GALP: variants seen among roughly 807,000 people sequenced by gnomAD.
GALP encodes the protein galanin-like peptide.
GALP carries 12 observed loss-of-function variants against 15.2 expected under a neutral mutation model. That is an observed-to-expected ratio of 0.79 (90% CI 0.51 to 1.28). GALP has a LOEUF of 1.28. GALP is among the 50% of genes most tolerant of loss of function. The probability of loss-of-function intolerance (pLI) is 0.00; values close to 1 mark genes in which losing one functional copy is unlikely to be tolerated. For missense variants in GALP, 161 were observed against 145.6 expected (o/e 1.11, Z -0.55); for synonymous variants, 58 against 55.1 (o/e 1.05, Z -0.23).
chr19:56,180,145 T>C lies in GALP; in HGVS notation c.88-441T>C, dbSNP rs796692882. Among the ~76,000 whole-genome samples the C allele has an allele frequency of 1.4e-4, 22 of 152,326 alleles. 1 individual carries two copies. The highest frequency in any genetic ancestry group is 5.3e-4 in the African/African-American group (22 of 41,576). ...CCAGGCTGGCCTTGAACTCCTGTTC[T>C]CAAGCCATCCTTCTGCTTCGGCCTC... On this transcript the variant is annotated intron_variant, in intron 2 of 5. Coordinates refer to ENST00000357330, the MANE Select transcript of GALP (RefSeq NM_033106.4).
At chr19:56,183,287 G>T (rs762876372) in intron 5 of GALP, 75 bp downstream of exon 5, 1 of 1,250,902 alleles carries the variant, frequency 8.0e-7, no homozygotes. Context: ...GAGCTTAGAG[G>T]GTAAAGGAAG....
Position 56,183,230 on chromosome 19 carries a change from A to G in GALP, c.295+18A>G, listed in dbSNP as rs750069427. ...GATTGGAGGTAAAGCCAGGAAACAC[A>G]GAAGAGAGACACCGACAGGAGAGGG... On this transcript the variant is annotated intron_variant, in intron 5 of 5. Transcript: ENST00000357330. 8.8e-6 allele frequency: 14 copies of G among 1,589,792 alleles called. No homozygotes were observed. Among genetic ancestry groups the G allele is most frequent in the Non-Finnish European group, 1.1e-5 (13 of 1,157,784 alleles).
chr19:56,182,018 C>T (rs1221017464), intron 3 of GALP, among the ~76,000 whole-genome samples, 154 bp from the exon 4 acceptor site: 1 of 152,184 alleles, frequency 6.6e-6, no homozygotes, highest in Non-Finnish European at 1.5e-5. Flanking sequence ...ACGATTTCCC[C>T]ACCGGTAGGT....
intron 1 of GALP, 106 bp from the exon 2 acceptor site, chr19:56,176,964 T>C: frequency 1.7e-6 from 1 of 596,668 alleles, no homozygotes; most frequent in Non-Finnish European, 3.0e-6. Flanking sequence ...GCCATTTTTG[T>C]ATCTCGATGA....
intron 3 of GALP, 108 bp from the exon 4 acceptor site, chr19:56,182,064 G>C: frequency 1.3e-6 from 1 of 789,546 alleles, no homozygotes; most frequent in East Asian, 2.5e-5. Flanking sequence ...CGACAGACTT[G>C]GTGGAGGCGC....
At chr19:56,182,885 G>T (rs1001813764) in intron 4 of GALP, among the ~76,000 whole-genome samples, 1 of 152,078 alleles carries the variant, frequency 6.6e-6, no homozygotes, top group Non-Finnish European at 1.5e-5. Context: ...AGGTTTGGGG[G>T]TACATGTGCA....
intron 1 of GALP, among the ~76,000 whole-genome samples, chr19:56,176,702 T>G (rs1599925779): frequency 1.1e-5 from 1 of 94,950 alleles, no homozygotes; most frequent in African/African-American, 4.5e-5. Flanking sequence ...GTGGAGGGAG[T>G]GAGGGGCTCC....
chr19:56,179,168 C>T (rs1268101694), intron 2 of GALP, among the ~76,000 whole-genome samples: 3 of 152,058 alleles, frequency 2.0e-5, no homozygotes, highest in East Asian at 1.9e-4. Flanking sequence ...CAGAGTGAGA[C>T]GCGAGACTCC....
At chr19:56,180,958 C>A (rs1390993389) in intron 3 of GALP, among the ~76,000 whole-genome samples, 1 of 133,430 alleles carries the variant, frequency 7.5e-6, no homozygotes, top group Admixed American at 8.5e-5. Context: ...CGCTCTGTTG[C>A]CCAGGCTGGA....
rs141775409 is a variant in GALP at position 56,180,057 on chromosome 19, G to A, written c.88-529G>A. On this transcript the variant is annotated intron_variant, in intron 2 of 5. Transcript: ENST00000357330. ...CTCCCAAAGTGCTGAGATTACAGGCGAGAGCCACCACGCCCGGCCTAATTT... is the reference window on the plus strand; with the variant it reads ...CTCCCAAAGTGCTGAGATTACAGGCAAGAGCCACCACGCCCGGCCTAATTT... 3.5e-3 allele frequency among the ~76,000 whole-genome samples: 538 copies of A among 152,022 alleles called. 5 individuals carry two copies. Among genetic ancestry groups the A allele is most frequent in the African/African-American group, 0.012 (514 of 41,466 alleles).
intron 2 of GALP, among the ~76,000 whole-genome samples, chr19:56,179,764 G>A (rs917395453): frequency 6.6e-6 from 1 of 151,660 alleles, no homozygotes; most frequent in Non-Finnish European, 1.5e-5. Context: ...CCACCTACAG[G>A]TGTGCGCCAC....
intron 2 of GALP, among the ~76,000 whole-genome samples, chr19:56,179,793 G>A (rs2032531723): frequency 6.6e-6 from 1 of 151,740 alleles, no homozygotes; most frequent in African/African-American, 2.4e-5. Context: ...GCTAATTTTT[G>A]TATTTTTTGT....
At position 56,180,618 on chromosome 19, in the gene GALP, C is replaced by G. The variant is rs756607699; in HGVS notation, c.120C>G (p.Gly40=). Residue 40 remains glycine (G), a synonymous_variant, in exon 3 of 6, where the codon GGC becomes GGG. Coordinates refer to ENST00000357330, the MANE Select transcript of GALP (RefSeq NM_033106.4). ...GAGGCTGGACCCTCAATAGTGCTGGCTACCTTCTGGGTCCCGGTGAGTGAG... is the reference window on the plus strand; with the variant it reads ...GAGGCTGGACCCTCAATAGTGCTGGGTACCTTCTGGGTCCCGGTGAGTGAG... ...GRGGWTLNSA[G]YLLGPVLHLP... 1.2e-6 allele frequency: 2 copies of G among 1,613,838 alleles called. No homozygotes were observed. Among genetic ancestry groups the G allele is most frequent in the Non-Finnish European group, 1.7e-6 (2 of 1,179,900 alleles).
At chr19:56,183,553 A>G (rs752474196) in intron 5 of GALP, among the ~76,000 whole-genome samples, 2 of 152,190 alleles carry the variant, frequency 1.3e-5, no homozygotes, top group Non-Finnish European at 2.9e-5. Flanking sequence ...CAGCTACAAC[A>G]TTGACGTCAA....
intron 5 of GALP, among the ~76,000 whole-genome samples, chr19:56,183,448 A>T (rs1208884074): frequency 2.0e-5 from 3 of 152,102 alleles, no homozygotes; most frequent in Non-Finnish European, 2.9e-5. Context: ...CTCATGTTCC[A>T]ACTCTCATTT....
intron 2 of GALP, among the ~76,000 whole-genome samples, chr19:56,180,285 T>G (rs1479475623): frequency 6.6e-6 from 1 of 152,210 alleles, no homozygotes; most frequent in African/African-American, 2.4e-5. Context: ...GCTCTAGGAC[T>G]TCTTCATCCT....
chr19:56,177,065 T>G lies in GALP; in HGVS notation c.-39-5T>G. The G allele has an allele frequency of 6.8e-7, 1 of 1,473,966 alleles. No individual in the cohort carries two copies. The highest frequency in any genetic ancestry group is 2.3e-5 in the East Asian group (1 of 42,922). 91.3% of individuals were successfully genotyped at this position (1,473,966 alleles called of 1,614,324 possible). On this transcript the variant is annotated splice_region_variant and splice_polypyrimidine_tract_variant and intron_variant, in intron 1 of 5. Coordinates refer to ENST00000357330, the MANE Select transcript of GALP (RefSeq NM_033106.4). ...GGAAAATGACTGGCCGCTCTCTCCT[T>G]GCAGCGTGTTCCGCAGCTGTAGGCA...
intron 3 of GALP, among the ~76,000 whole-genome samples, chr19:56,181,779 C>T (rs1393206551): frequency 6.6e-6 from 1 of 152,164 alleles, no homozygotes; most frequent in Non-Finnish European, 1.5e-5. Flanking sequence ...AATAGGTGTG[C>T]CCATGGCCAC....
intron 4 of GALP, among the ~76,000 whole-genome samples, chr19:56,182,548 A>G (rs931875189): frequency 2.0e-5 from 3 of 152,202 alleles, no homozygotes; most frequent in African/African-American, 7.2e-5. Flanking sequence ...ACATAAATGG[A>G]ATAATCCCAT....
Sources: gnomAD v4.1 joint callset for allele counts (sites outside exome capture counted in the v4.1 genomes callset) on GRCh38, gnomAD v4.1.1 for gene constraint, MANE v1.5 for transcripts, NCBI Gene and HGNC (gene_info 2026-07-23, HGNC 2026-07-21) for gene names.